Variants in CEP128 observed in about 807,000 individuals in gnomAD.
CEP128 encodes centrosomal protein 128kDa.
CEP128 carries 132 observed loss-of-function variants against 156.7 expected under a neutral mutation model. That is an observed-to-expected ratio of 0.84 (90% confidence interval 0.73 to 0.97). The LOEUF is 0.97. Ranked by LOEUF, CEP128 falls within the 50% of genes least tolerant of loss-of-function variation. CEP128 has a pLI of 0.00. For synonymous variants in CEP128, 469 were observed against 448.9 expected, an observed-to-expected ratio of 1.04 and a Z score of -0.57; for missense variants, 1,252 against 1,281.9, an observed-to-expected ratio of 0.98 and a Z score of 0.36.
At chr14:80,885,282 G>T (rs1888742294) in intron 8 of CEP128, among the ~76,000 whole-genome samples, 1 of 152,194 alleles carries the variant, frequency 6.6e-6, no homozygotes, top group African/African-American at 2.4e-5. Context: ...TCTGCTAAGG[G>T]ACAGACTGCC....
chr14:80,522,697 T>C (rs898266796), intron 23 of CEP128, among the ~76,000 whole-genome samples: 10 of 152,202 alleles, frequency 6.6e-5, no homozygotes, highest in African/African-American at 2.2e-4. Context: ...TTCAAATTAG[T>C]AATGCTGTGT....
intron 10 of CEP128, 66 bp from the exon 11 acceptor site, chr14:80,838,344 GCA>G: frequency 1.7e-6 from 2 of 1,165,694 alleles, no homozygotes; most frequent in Non-Finnish European, 2.5e-6. Context: ...ATTATTATGG[GCA>G]CAGTTTAAAA....
intron 8 of CEP128, among the ~76,000 whole-genome samples, chr14:80,880,280 A>T (rs955824565): frequency 2.6e-5 from 4 of 152,176 alleles, no homozygotes; most frequent in Non-Finnish European, 1.5e-5. Context: ...AGTCCAACAT[A>T]CTTTCTTGAT....
At chr14:80,754,019 C>G (rs779314613) in intron 18 of CEP128, among the ~76,000 whole-genome samples, 14 of 152,164 alleles carry the variant, frequency 9.2e-5, no homozygotes, top group Non-Finnish European at 1.8e-4. Context: ...ATCTTACCAA[C>G]TCTAATCTAC....
intron 19 of CEP128, among the ~76,000 whole-genome samples, chr14:80,620,411 T>G (rs774442219): frequency 6.6e-5 from 10 of 151,900 alleles, no homozygotes; most frequent in African/African-American, 9.7e-5. Context: ...GCAGAATAAG[T>G]AAATAAGTCT....
rs76765594 is a variant in CEP128 at position 80,693,383 on chromosome 14, G to C, written c.2806+49692C>G. On this transcript the variant is annotated intron_variant, in intron 19 of 24. Coordinates refer to ENST00000555265, the MANE Select transcript of CEP128 (RefSeq NM_152446.5). ...CTGAGAGAACAAAGGTTGTAAACAGGTATGTTCTATTTCAGAAGTGATTGT... is the reference window on the plus strand; with the variant it reads ...CTGAGAGAACAAAGGTTGTAAACAGCTATGTTCTATTTCAGAAGTGATTGT... Among the ~76,000 whole-genome samples the C allele has an allele frequency of 1.2e-3, 182 of 152,248 alleles. 3 individuals are homozygous for C. The East Asian group carries it at 0.031, about 26-fold the overall frequency.
At chr14:80,936,459 G>A (rs1293431035) in intron 2 of CEP128, among the ~76,000 whole-genome samples, 4 of 152,098 alleles carry the variant, frequency 2.6e-5, no homozygotes, top group African/African-American at 9.7e-5. Flanking sequence ...TTATCAGAAT[G>A]AATTAAATGG....
At chr14:80,685,905 T>C (rs369668238) in intron 19 of CEP128, among the ~76,000 whole-genome samples, 1 of 152,214 alleles carries the variant, frequency 6.6e-6, no homozygotes, top group South Asian at 2.1e-4. Flanking sequence ...AGCTAGGCCA[T>C]AGGCAGAATA....
Position 80,870,393 on chromosome 14 carries a change from A to G in CEP128, c.646-7520T>C, listed in dbSNP as rs572883661. Among the ~76,000 whole-genome samples the G allele has an allele frequency of 5.3e-5, 8 of 152,156 alleles. No homozygotes were observed. The South Asian group carries it at 1.7e-3, about 32-fold the overall frequency. On this transcript the variant is annotated intron_variant, in intron 8 of 24. Coordinates refer to ENST00000555265, the MANE Select transcript of CEP128 (RefSeq NM_152446.5). ...GCACATTAAAAGAATCATTACACCA[A>G]TCATTACACCATGATCACTTAGTAT... is the stretch of plus-strand genomic sequence containing the variant.
chr14:80,654,007 T>C (rs553090363), intron 19 of CEP128, among the ~76,000 whole-genome samples: 1 of 152,224 alleles, frequency 6.6e-6, no homozygotes, highest in Admixed American at 6.6e-5. Context: ...TGACGTATAA[T>C]GTATTTCTTA....
intron 19 of CEP128, among the ~76,000 whole-genome samples, chr14:80,589,548 G>A (rs1891958463): frequency 6.6e-6 from 1 of 152,128 alleles, no homozygotes; most frequent in Admixed American, 6.5e-5. Context: ...GTCATAAGCT[G>A]TGACTCCAAA....
intron 21 of CEP128, among the ~76,000 whole-genome samples, chr14:80,533,430 C>T (rs999498043): frequency 6.6e-6 from 1 of 152,144 alleles, no homozygotes; most frequent in African/African-American, 2.4e-5. Context: ...AGTAAATGAT[C>T]TCTTACCCTA....
At chr14:80,757,396 G>A (rs890676030) in intron 17 of CEP128, among the ~76,000 whole-genome samples, 3 of 151,984 alleles carry the variant, frequency 2.0e-5, no homozygotes, top group Non-Finnish European at 2.9e-5. Flanking sequence ...ATAGTAAAAG[G>A]GCCATTTTGT....
chr14:80,730,451 G>C (rs1276821301), intron 19 of CEP128, among the ~76,000 whole-genome samples: 2 of 152,184 alleles, frequency 1.3e-5, no homozygotes, highest in Non-Finnish European at 2.9e-5. Flanking sequence ...GGCAACTCCT[G>C]TACCATTGAC....
At chr14:80,621,898 CTGTT>C (rs1893494781) in intron 19 of CEP128, among the ~76,000 whole-genome samples, 1 of 152,118 alleles carries the variant, frequency 6.6e-6, no homozygotes, top group Non-Finnish European at 1.5e-5. Context: ...CTGTTAGTGA[CTGTT>C]ATGACAGCCC....
At chr14:80,940,936 T>A (rs1171034490) in intron 1 of CEP128, among the ~76,000 whole-genome samples, 1 of 152,186 alleles carries the variant, frequency 6.6e-6, no homozygotes, top group Non-Finnish European at 1.5e-5. Context: ...ATACTTTACA[T>A]AATACTCAAA....
chr14:80,764,588 C>T (rs1160034884), intron 16 of CEP128, among the ~76,000 whole-genome samples: 1 of 152,116 alleles, frequency 6.6e-6, no homozygotes, highest in Non-Finnish European at 1.5e-5. Flanking sequence ...TATGTCCAAG[C>T]TCTCTTTGAA....
At chr14:80,823,984 AG>A (rs1447069998) in intron 13 of CEP128, among the ~76,000 whole-genome samples, 1 of 152,218 alleles carries the variant, frequency 6.6e-6, no homozygotes, top group African/African-American at 2.4e-5. Context: ...CTAGGCATCC[AG>A]GCATTTGCAT....
chr14:80,840,826 C>T (rs1886317085), intron 9 of CEP128, 58 bp from the exon 10 acceptor site: 2 of 1,038,214 alleles, frequency 1.9e-6, no homozygotes, highest in East Asian at 2.4e-5. Context: ...CTGAAAGTCA[C>T]TACTAGAATT....
Sources: gnomAD v4.1 joint callset for allele counts (sites outside exome capture counted in the v4.1 genomes callset) on GRCh38, gnomAD v4.1.1 for gene constraint, MANE v1.5 for transcripts, NCBI Gene and HGNC (gene_info 2026-07-23, HGNC 2026-07-21) for gene names.